Variants in PHACTR2 observed in about 807,000 individuals in gnomAD.
PHACTR2 encodes the protein chromosome 6 open reading frame 56.
PHACTR2 carries 30 observed loss-of-function variants against 76.0 expected under a neutral mutation model. The observed-to-expected ratio is 0.39, with a 90% CI of 0.30 to 0.54. PHACTR2 has a LOEUF of 0.54. PHACTR2 is among the 20% of genes least tolerant of loss of function. PHACTR2 has a pLI of 0.61. For synonymous variants in PHACTR2, 292 were observed against 292.5 expected (o/e 1.00, Z 0.02); for missense variants, 696 against 781.1 (o/e 0.89, Z 1.30).
intron 1 of PHACTR2, among the ~76,000 whole-genome samples, chr6:143,694,814 A>G (rs1303455731): frequency 6.6e-6 from 1 of 152,200 alleles, no homozygotes; most frequent in Non-Finnish European, 1.5e-5. Flanking sequence ...ATTCTAGCCC[A>G]TATGCATTGT....
chr6:143,781,167 C>T (rs1775419745), intron 9 of PHACTR2, among the ~76,000 whole-genome samples: 1 of 152,202 alleles, frequency 6.6e-6, no homozygotes, highest in Non-Finnish European at 1.5e-5. Flanking sequence ...CCCTCTACCT[C>T]TCACCCTCGT....
chr6:143,730,243 G>C lies in PHACTR2; in HGVS notation c.214+18060G>C, dbSNP rs1432747939. ...TTTGGCTAGGATTTTTATTTAAACT[G>C]CATTAAATCTATGCTGCAGTTTGGG... On this transcript the variant is annotated intron_variant, in intron 2 of 12. Transcript: ENST00000440869. This position sits in a 1 kb window ranked among gnomAD's most constrained non-coding sequence, Gnocchi z 4.8. 6.6e-6 allele frequency among the ~76,000 whole-genome samples: 1 copy of C among 151,940 alleles called. No homozygotes were observed. The highest frequency in any genetic ancestry group is 1.5e-5 in the Non-Finnish European group (1 of 67,998).
rs1355562487 is a variant in PHACTR2 at position 143,647,046 on chromosome 6, AT to A, written c.13+38731del. 3.3e-5 allele frequency among the ~76,000 whole-genome samples: 5 copies of A among 152,132 alleles called. No homozygotes were observed. In the South Asian group the frequency reaches 1.0e-3, roughly 32 times the overall value. On this transcript the variant is annotated intron_variant, in intron 1 of 11. Transcript: ENST00000305766. The surrounding 1 kb of genome is among the most constrained non-coding windows in gnomAD (Gnocchi z 4.2). ...TCTTCACCTTGCTGTCAGCAGTTACATTTTTTTCTAAGGGGTAAAAAGCACA... is the reference window on the plus strand; with the variant it reads ...TCTTCACCTTGCTGTCAGCAGTTACATTTTTTCTAAGGGGTAAAAAGCACA...
rs1778673579 is a variant in PHACTR2 at position 143,730,375 on chromosome 6, AAC to A, written c.214+18194_214+18195del. Among the ~76,000 whole-genome samples the A allele has an allele frequency of 6.6e-6, 1 of 152,138 alleles. No homozygotes were observed. The highest frequency in any genetic ancestry group is 6.5e-5 in the Admixed American group (1 of 15,268). ...TTATTAGCTTTTGAAGTTTTTAGAA[AAC>A]AGTTAATAAGTTTATACTTCAGTAT... is the stretch of plus-strand genomic sequence containing the variant. On this transcript the variant is annotated intron_variant, in intron 2 of 12. Transcript: ENST00000440869. The surrounding 1 kb of genome is among the most constrained non-coding windows in gnomAD (Gnocchi z 4.8).
At position 143,712,062 on chromosome 6, in the gene PHACTR2, A is replaced by G; in HGVS notation, c.93A>G (p.Thr31=). ...CTATAGCAAACTCAGATGGCCCCACAGCAGGTTCCCAAACACCTCCCTTCA... is the reference window on the plus strand; with the variant it reads ...CTATAGCAAACTCAGATGGCCCCACGGCAGGTTCCCAAACACCTCCCTTCA... ...KASIANSDGP[T]AGSQTPPFKR... Residue 31 remains threonine (T), a synonymous_variant, in exon 2 of 13, where the codon ACA becomes ACG. Coordinates refer to ENST00000440869, the MANE Select transcript of PHACTR2 (RefSeq NM_001100164.2). The G allele has an allele frequency of 6.3e-7, 1 of 1,599,326 alleles. No homozygotes were observed. The highest frequency in any genetic ancestry group is 8.5e-7 in the Non-Finnish European group (1 of 1,174,638).
At chr6:143,587,606 T>G (rs1775643404) in intron 1 of PHACTR2, among the ~76,000 whole-genome samples, 1 of 152,190 alleles carries the variant, frequency 6.6e-6, no homozygotes, top group African/African-American at 2.4e-5. Context: ...TAGTTTTTTG[T>G]GGTCATATTC....
chr6:143,563,634 A>G (rs1425119051), intron 1 of PHACTR2, among the ~76,000 whole-genome samples: 6 of 151,852 alleles, frequency 4.0e-5, no homozygotes, highest in East Asian at 1.9e-4. Flanking sequence ...TTCCATCAAC[A>G]TAAGCATCAT....
At position 143,599,937 on chromosome 6, in the gene PHACTR2, A is replaced by G. The variant is rs998644982; in HGVS notation, c.217+62730A>G. Among the ~76,000 whole-genome samples the G allele has an allele frequency of 6.6e-6, 1 of 152,220 alleles. No individual in the cohort carries two copies. Among genetic ancestry groups the G allele is most frequent in the African/African-American group, 2.4e-5 (1 of 41,458 alleles). ...CAAACTCAGAGCAGATGCCTTGTCT[A>G]AAGCTTTCAAGGTTTGGCCTGGCCA... On this transcript the variant is annotated intron_variant, in intron 1 of 11. Coordinates refer to the PHACTR2 transcript ENST00000367584. This position sits in a 1 kb window ranked among gnomAD's most constrained non-coding sequence, Gnocchi z 4.6.
chr6:143,830,816 T>C lies in PHACTR2; in HGVS notation c.*7127T>C, dbSNP rs559929278. The C allele has an allele frequency of 1.3e-5, 2 of 152,230 alleles. No individual in the cohort carries two copies. The highest frequency in any genetic ancestry group is 2.9e-5 in the Non-Finnish European group (2 of 68,026). 9.4% of individuals were successfully genotyped at this position (152,230 alleles called of 1,614,324 possible). A position where few individuals can be genotyped will look rare whatever the true frequency, so the allele number is the denominator to read the frequency against. On this transcript the variant is annotated 3_prime_UTR_variant, in exon 13 of 13. Coordinates refer to ENST00000440869, the MANE Select transcript of PHACTR2 (RefSeq NM_001100164.2). ...GGGAAAAGTTACCTCAATAAAATCA[T>C]TGGGAAATCCCCAGTTTTAGTTTGT... is the stretch of plus-strand genomic sequence containing the variant.
Position 143,774,879 on chromosome 6 carries a change from A to T in PHACTR2, c.1589+664A>T, listed in dbSNP as rs1328769977. Reference sequence around the variant, plus strand: ...TGCTTTTGCCACTGGTGACTTTACAAGTCCCTTTAACTGGCAGTTTTAATA... The same window carrying T: ...TGCTTTTGCCACTGGTGACTTTACATGTCCCTTTAACTGGCAGTTTTAATA... On this transcript the variant is annotated intron_variant, in intron 8 of 12. Coordinates refer to ENST00000440869, the MANE Select transcript of PHACTR2 (RefSeq NM_001100164.2). This position sits in a 1 kb window ranked among gnomAD's most constrained non-coding sequence, Gnocchi z 5.4. 6.6e-6 allele frequency among the ~76,000 whole-genome samples: 1 copy of T among 152,220 alleles called. No homozygotes were observed. The highest frequency in any genetic ancestry group is 2.4e-5 in the African/African-American group (1 of 41,458).
intron 1 of PHACTR2, among the ~76,000 whole-genome samples, chr6:143,630,050 G>A (rs1582716596): frequency 6.6e-6 from 1 of 151,682 alleles, no homozygotes; most frequent in African/African-American, 2.4e-5. Flanking sequence ...TCTGTGACAA[G>A]AAGAAGATGA....
chr6:143,676,471 C>G (rs566730598), upstream of PHACTR2, among the ~76,000 whole-genome samples: 1 of 152,122 alleles, frequency 6.6e-6, no homozygotes, highest in African/African-American at 2.4e-5. This position sits in a 1 kb window ranked among gnomAD's most constrained non-coding sequence, Gnocchi z 4.8. Flanking sequence ...GATCAGTGAC[C>G]TCCCTTTATC....
intron 1 of PHACTR2, among the ~76,000 whole-genome samples, chr6:143,686,553 T>A (rs1777529926): frequency 6.8e-6 from 1 of 146,554 alleles, no homozygotes; most frequent in Non-Finnish European, 1.5e-5. Flanking sequence ...AGTGGCATGA[T>A]CTCGGCTCAC....
At chr6:143,560,886 T>G (rs983998040) in intron 1 of PHACTR2, among the ~76,000 whole-genome samples, 1 of 64,378 alleles carries the variant, frequency 1.6e-5, no homozygotes, top group Non-Finnish European at 4.3e-5. Flanking sequence ...CAGAGGGGTG[T>G]GTGTGTGTGT....
At chr6:143,676,943 G>A (rs938199459), upstream of PHACTR2, among the ~76,000 whole-genome samples, 1 of 151,330 alleles carries the variant, frequency 6.6e-6, no homozygotes, top group East Asian at 1.9e-4. The surrounding 1 kb of genome is among the most constrained non-coding windows in gnomAD (Gnocchi z 4.8). Context: ...GGCTCTGCAC[G>A]ATCTTAATAA....
At position 143,827,173 on chromosome 6, in the gene PHACTR2, T is replaced by C. The variant is rs868297745; in HGVS notation, c.*3484T>C. ...AAAAGAAAATATATATATATATATA[T>C]ATATATATATATATATATATATATA... is the stretch of plus-strand genomic sequence containing the variant. On this transcript the variant is annotated 3_prime_UTR_variant, in exon 13 of 13. Transcript: ENST00000440869. 8.3e-6 allele frequency: 1 copy of C among 119,836 alleles called. No individual in the cohort carries two copies. Among genetic ancestry groups the C allele is most frequent in the Admixed American group, 8.1e-5 (1 of 12,314 alleles). The allele number at this position is 119,836 out of a possible 1,614,324, so 7.4% of individuals were successfully genotyped here. A position where few individuals can be genotyped will look rare whatever the true frequency, so the allele number is the denominator to read the frequency against.
chr6:143,814,710 C>T (rs1280784428), intron 12 of PHACTR2, among the ~76,000 whole-genome samples: 1 of 150,584 alleles, frequency 6.6e-6, no homozygotes, highest in Non-Finnish European at 1.5e-5. Context: ...TCACGCCATT[C>T]TCCTGCCTCA....
rs950713209 is a variant in PHACTR2 at position 143,672,917 on chromosome 6, G to T, written c.14-39099G>T. 1.3e-5 allele frequency among the ~76,000 whole-genome samples: 2 copies of T among 151,996 alleles called. No homozygotes were observed. The highest frequency in any genetic ancestry group is 2.4e-5 in the African/African-American group (1 of 41,366). ...TTTTTGTATTTTTAGTAGAGACAGG[G>T]TTTCACCATGTTGGCCAGGCTGGTC... On this transcript the variant is annotated intron_variant, in intron 1 of 11. Coordinates refer to the PHACTR2 transcript ENST00000305766. The surrounding 1 kb of genome is among the most constrained non-coding windows in gnomAD (Gnocchi z 5.8).
In PHACTR2 at chr6:143,659,238, A is replaced by G. The variant is rs1776905016; in HGVS notation, c.13+50916A>G. 6.6e-6 allele frequency among the ~76,000 whole-genome samples: 1 copy of G among 152,194 alleles called. No individual in the cohort carries two copies. The highest frequency in any genetic ancestry group is 1.5e-5 in the Non-Finnish European group (1 of 68,030). On this transcript the variant is annotated intron_variant, in intron 1 of 11. Transcript: ENST00000305766. The surrounding 1 kb of genome is among the most constrained non-coding windows in gnomAD (Gnocchi z 5.0). ...ATTTAAAATTTCTTTTCCTAATAATAAATTAACCTTAGCTTATTGTAACTT... is the reference window on the plus strand; with the variant it reads ...ATTTAAAATTTCTTTTCCTAATAATGAATTAACCTTAGCTTATTGTAACTT...
Sources: gnomAD v4.1 joint callset for allele counts (sites outside exome capture counted in the v4.1 genomes callset) on GRCh38, gnomAD v4.1.1 for gene constraint, Gnocchi (gnomAD v3.1) non-coding constraint, MANE v1.5 for transcripts, NCBI Gene and HGNC (gene_info 2026-07-23, HGNC 2026-07-21) for gene names.